The following NKAIN2 variants were observed in gnomAD, a reference collection of about 807,000 sequenced individuals.
The protein encoded by NKAIN2 is sodium/potassium-transporting ATPase subunit beta-1-interacting protein 2.
NKAIN2 carries 14 observed loss-of-function variants against 32.6 expected under a neutral mutation model. That is an observed-to-expected ratio of 0.43 (90% CI 0.28 to 0.67). The LOEUF (loss-of-function observed/expected upper bound fraction) is 0.67. Ranked by LOEUF, NKAIN2 falls within the 30% of genes least tolerant of loss-of-function variation. NKAIN2 has a pLI of 0.17. For missense variants in NKAIN2, 198 were observed against 258.3 expected (o/e 0.77, Z 1.60); for synonymous variants, 80 against 87.2 (o/e 0.92, Z 0.46).
At chr6:124,077,107 G>C (rs1021086901) in intron 1 of NKAIN2, among the ~76,000 whole-genome samples, 4 of 152,126 alleles carry the variant, frequency 2.6e-5, no homozygotes, top group Non-Finnish European at 4.4e-5. Flanking sequence ...GAGACATCTT[G>C]AACTTTTTCT....
At chr6:124,219,484 G>A (rs1399754461) in intron 1 of NKAIN2, among the ~76,000 whole-genome samples, 1 of 151,766 alleles carries the variant, frequency 6.6e-6, no homozygotes, top group Non-Finnish European at 1.5e-5. Context: ...CACCATGTTG[G>A]CCAGGGTGTT....
chr6:124,403,884 C>G (rs185695567), intron 3 of NKAIN2, among the ~76,000 whole-genome samples: 3 of 152,174 alleles, frequency 2.0e-5, no homozygotes, highest in Admixed American at 2.0e-4. Flanking sequence ...TAGTTCAAAT[C>G]TGTTCTTTCT....
chr6:123,821,192 G>A (rs370112071), intron 1 of NKAIN2, among the ~76,000 whole-genome samples: 239 of 152,320 alleles, frequency 1.6e-3, no homozygotes, highest in Middle Eastern at 0.014. Context: ...GGGGAATTCT[G>A]TAGAAGTGAG....
intron 1 of NKAIN2, among the ~76,000 whole-genome samples, chr6:124,053,975 G>A (rs147488124): frequency 6.6e-4 from 100 of 152,136 alleles, no homozygotes; most frequent in African/African-American, 2.4e-3. Context: ...TGAGTATAAG[G>A]AAGGGAAGAA....
At chr6:124,017,556 A>G (rs959840610) in intron 1 of NKAIN2, among the ~76,000 whole-genome samples, 3 of 152,188 alleles carry the variant, frequency 2.0e-5, no homozygotes, top group Non-Finnish European at 4.4e-5. Flanking sequence ...CAATGGGGGT[A>G]TAGGCATTGG....
intron 1 of NKAIN2, among the ~76,000 whole-genome samples, chr6:124,164,585 C>A (rs1024167432): frequency 6.6e-6 from 1 of 151,958 alleles, no homozygotes; most frequent in South Asian, 2.1e-4. Context: ...GCACAACATC[C>A]AATAGACACA....
intron 3 of NKAIN2, among the ~76,000 whole-genome samples, chr6:124,647,250 T>C (rs933703081): frequency 6.6e-6 from 1 of 151,656 alleles, no homozygotes; most frequent in Middle Eastern, 3.2e-3. Context: ...AAATATTCTA[T>C]TAAAAATGAC....
At chr6:124,691,883 T>A (rs1262167310) in intron 4 of NKAIN2, among the ~76,000 whole-genome samples, 1 of 152,366 alleles carries the variant, frequency 6.6e-6, no homozygotes, top group East Asian at 1.9e-4. Context: ...CAATATAGTT[T>A]TTTTTGACGA....
chr6:124,298,319 C>A (rs539799071), intron 2 of NKAIN2, among the ~76,000 whole-genome samples: 15 of 152,050 alleles, frequency 9.9e-5, no homozygotes, highest in Admixed American at 2.6e-4. Flanking sequence ...TTCTTTATCT[C>A]TTTCTATTTT....
chr6:124,262,180 G>T (rs983427943), intron 1 of NKAIN2, among the ~76,000 whole-genome samples: 2 of 152,106 alleles, frequency 1.3e-5, no homozygotes, highest in African/African-American at 4.8e-5. Context: ...CTTTCTTATG[G>T]AAGGCAAATA....
At chr6:124,595,083 G>A (rs1402415952) in intron 3 of NKAIN2, among the ~76,000 whole-genome samples, 1 of 152,200 alleles carries the variant, frequency 6.6e-6, no homozygotes, top group Non-Finnish European at 1.5e-5. Context: ...TAAAAGAGCT[G>A]TCTAGGTCTA....
At chr6:124,080,413 T>C (rs576198772) in intron 1 of NKAIN2, among the ~76,000 whole-genome samples, 74 of 152,268 alleles carry the variant, frequency 4.9e-4, no homozygotes, top group Admixed American at 4.5e-3. Context: ...CTTAAATCAT[T>C]TTGATTGTCA....
chr6:124,302,682 G>T (rs1732172428), intron 2 of NKAIN2, among the ~76,000 whole-genome samples: 1 of 151,914 alleles, frequency 6.6e-6, no homozygotes, highest in Admixed American at 6.6e-5. Flanking sequence ...TATGTAAAAG[G>T]TATGCAATAT....
At chr6:124,717,503 A>G (rs1433750391) in intron 4 of NKAIN2, among the ~76,000 whole-genome samples, 2 of 152,176 alleles carry the variant, frequency 1.3e-5, no homozygotes, top group Non-Finnish European at 2.9e-5. Context: ...TGGCATAACT[A>G]AAAAACAAAA....
At chr6:123,977,139 A>C (rs118024316) in intron 1 of NKAIN2, among the ~76,000 whole-genome samples, 65 of 152,122 alleles carry the variant, frequency 4.3e-4, no homozygotes, top group African/African-American at 1.5e-3. Context: ...CACCCAGATA[A>C]TTTTCTTTTA....
chr6:124,123,981 C>A (rs76236311), intron 1 of NKAIN2, among the ~76,000 whole-genome samples: 1,629 of 149,408 alleles, frequency 0.011, 31 homozygotes, highest in African/African-American at 0.038. Context: ...ATATCACTGG[C>A]CTTTTAGGAT....
At chr6:124,460,979 T>A (rs541041801) in intron 3 of NKAIN2, among the ~76,000 whole-genome samples, 1 of 151,920 alleles carries the variant, frequency 6.6e-6, no homozygotes, top group South Asian at 2.1e-4. Flanking sequence ...TTCTCAGTAA[T>A]GTATTTTTTA....
intron 4 of NKAIN2, among the ~76,000 whole-genome samples, chr6:124,712,539 C>T (rs9491219): frequency 9.8e-5 from 10 of 101,578 alleles, no homozygotes; most frequent in East Asian, 7.3e-4. Flanking sequence ...TTTTTAAGCC[C>T]GTCGGAAAAG....
chr6:124,621,818 A>G (rs1166111705), intron 3 of NKAIN2, among the ~76,000 whole-genome samples: 3 of 152,142 alleles, frequency 2.0e-5, no homozygotes, highest in Admixed American at 6.5e-5. Flanking sequence ...AGCTGGAGGC[A>G]CTTCCTTTCC....
Sources: allele counts gnomAD v4.1 joint callset (sites outside exome capture counted in the v4.1 genomes callset), GRCh38; gene constraint gnomAD v4.1.1; transcripts MANE v1.5; gene names NCBI Gene and HGNC (gene_info 2026-07-23, HGNC 2026-07-21).